The following DPEP3 variants were observed in gnomAD, a reference collection of about 807,000 sequenced individuals.
The protein encoded by DPEP3 is membrane-bound dipeptidase 3.
DPEP3 carries 42 observed loss-of-function variants against 47.5 expected under a neutral mutation model. That is an observed-to-expected ratio of 0.88 (90% CI 0.69 to 1.14). The LOEUF (loss-of-function observed/expected upper bound fraction) is 1.14, where lower values mean the gene tolerates loss of function less well. Ranked by LOEUF, DPEP3 falls within the 50% of genes most tolerant of loss-of-function variation. The pLI, the probability that DPEP3 is intolerant of heterozygous loss-of-function variation, is 0.00. For synonymous variants in DPEP3, 276 were observed against 270.2 expected, an observed-to-expected ratio of 1.02 and a Z score of -0.21; for missense variants, 560 against 635.0, an observed-to-expected ratio of 0.88 and a Z score of 1.27.
Position 67,976,691 on chromosome 16 carries a change from A to G in DPEP3, c.1094+9T>C, listed in dbSNP as rs2031202688. 1 of 1,613,726 alleles carries G rather than the reference A, an allele frequency of 6.2e-7. No homozygotes were observed. Among genetic ancestry groups the G allele is most frequent in the East Asian group, 2.2e-5 (1 of 44,890 alleles). On this transcript the variant is annotated intron_variant, in intron 8 of 9. Coordinates refer to ENST00000268793, the MANE Select transcript of DPEP3 (RefSeq NM_001370198.1). ...CCCAGCCTAAGAGAAACCTCAGGGA[A>G]GCACTCACCGGCCAGTCCCGTCATA...
chr16:67,976,626 G>A (rs1031097583), intron 8 of DPEP3, 74 bp downstream of exon 8: 36 of 1,424,304 alleles, frequency 2.5e-5, no homozygotes, highest in Admixed American at 5.6e-5. Flanking sequence ...ATGGGAGGAC[G>A]TCAGGATGGG....
chr16:67,976,567 G>A lies in DPEP3; in HGVS notation c.1094+133C>T, dbSNP rs878977569. The A allele has an allele frequency of 5.0e-5, 41 of 818,298 alleles. No individual in the cohort carries two copies. In the South Asian group the frequency reaches 7.0e-4, roughly 14 times the overall value. 50.7% of individuals were successfully genotyped at this position (818,298 alleles called of 1,614,324 possible). Reference sequence around the variant, plus strand: ...AAACTAGGAAACAGGCCCTGAGAGTGGGGAGTGTCAGGTGGGATAGGAGAC... The same window carrying A: ...AAACTAGGAAACAGGCCCTGAGAGTAGGGAGTGTCAGGTGGGATAGGAGAC... On this transcript the variant is annotated intron_variant, in intron 8 of 9. Transcript: ENST00000268793.
In DPEP3 at chr16:67,978,645, G is replaced by A; in HGVS notation, c.415-19C>T. 6.2e-7 allele frequency: 1 copy of A among 1,613,364 alleles called. No homozygotes were observed. ...ACCAGAACTGAGGGTAGGTCAAGGG[G>A]TCCAGAATGAGGCCAGGGCGGTCTT... is the stretch of plus-strand genomic sequence containing the variant. On this transcript the variant is annotated intron_variant, in intron 2 of 9. Transcript: ENST00000268793. The surrounding 1 kb of genome is among the most constrained non-coding windows in gnomAD (Gnocchi z 4.4).
chr16:67,979,479 C>G (rs575607665), intron 2 of DPEP3, among the ~76,000 whole-genome samples, 160 bp downstream of exon 2: 9 of 152,222 alleles, frequency 5.9e-5, no homozygotes, highest in Non-Finnish European at 1.3e-4. Context: ...TGCAGCTAGC[C>G]TGTCTTGGCC....
At chr16:67,979,443 G>A (rs11643888) in intron 2 of DPEP3, among the ~76,000 whole-genome samples, 196 bp downstream of exon 2, 42,314 of 152,148 alleles carry the variant, frequency 0.28, 7,712 homozygotes, top group East Asian at 0.76. Context: ...CATTTTCTGC[G>A]TGTTTCCACA....
Position 67,978,565 on chromosome 16 carries a change from T to A in DPEP3, c.476A>T (p.Glu159Val). ...QDQTAVRLALEQIDLIHRMCA... is the reference protein window; with the variant it reads ...QDQTAVRLALVQIDLIHRMCA... ...CATGCGGTGAATGAGGTCAATCTGC[T>A]CCAGGGCGAGGCGCACGGCAGTCTG... Residue 159 changes from glutamate (E) to valine (V), a missense_variant, in exon 3 of 10, where the codon GAG (glutamate) becomes GTG (valine). Physicochemically the swap from Glu to Val is moderately radical, Grantham distance 121. Coordinates refer to ENST00000268793, the MANE Select transcript of DPEP3 (RefSeq NM_001370198.1). The surrounding 1 kb of genome is among the most constrained non-coding windows in gnomAD (Gnocchi z 4.4). 1 of 1,613,962 alleles carries A rather than the reference T, an allele frequency of 6.2e-7. No individual in the cohort carries two copies. The highest frequency in any genetic ancestry group is 8.5e-7 in the Non-Finnish European group (1 of 1,179,946).
Position 67,978,046 on chromosome 16 carries a change from AC to A in DPEP3, c.687-40del, listed in dbSNP as rs1344405711. The A allele has an allele frequency of 6.2e-7, 1 of 1,611,916 alleles. No individual in the cohort carries two copies. The highest frequency in any genetic ancestry group is 1.7e-5 in the Admixed American group (1 of 59,976). On this transcript the variant is annotated intron_variant, in intron 4 of 9. Transcript: ENST00000268793. The surrounding 1 kb of genome is among the most constrained non-coding windows in gnomAD (Gnocchi z 4.4). ...ATGGAAGGGCAATTTAGCTGATCACACCTTGGGCCATCACAGCCTGGGGGCC... is the reference window on the plus strand; with the variant it reads ...ATGGAAGGGCAATTTAGCTGATCACACTTGGGCCATCACAGCCTGGGGGCC...
Position 67,978,307 on chromosome 16 carries a change from C to A in DPEP3, c.646G>T (p.Val216Leu). ...GTGAAGGTAAGTGTCAGGTAGCGCA[C>A]CCCCAGCACATAGAAACTGCGCAGC... ...SVLRSFYVLG[V>L]RYLTLTFTCS... Residue 216 changes from valine (V) to leucine (L), a missense_variant, in exon 4 of 10, where the codon GTG (valine) becomes TTG (leucine). Coordinates refer to ENST00000268793, the MANE Select transcript of DPEP3 (RefSeq NM_001370198.1). The surrounding 1 kb of genome is among the most constrained non-coding windows in gnomAD (Gnocchi z 4.4). The A allele has an allele frequency of 6.2e-7, 1 of 1,614,170 alleles. No homozygotes were observed. The highest frequency in any genetic ancestry group is 8.5e-7 in the Non-Finnish European group (1 of 1,180,030).
Position 67,976,091 on chromosome 16 carries a change from A to G in DPEP3, c.1230+2T>C, listed in dbSNP as rs2031188866. 1.9e-6 allele frequency: 3 copies of G among 1,614,100 alleles called. No individual in the cohort carries two copies. The highest frequency in any genetic ancestry group is 2.5e-6 in the Non-Finnish European group (3 of 1,179,998). On this transcript the variant is annotated splice_donor_variant, in intron 9 of 9. Transcript: ENST00000268793. LOFTEE classifies it high-confidence loss of function. The stretch of plus-strand genomic sequence containing the variant: ...ACCATCCTGTCCACCAGCCCAGCTT[A>G]CCTTTTCCACTTGTCTGAAGACCCG...
Position 67,977,769 on chromosome 16 carries a change from T to C in DPEP3, c.817A>G (p.Thr273Ala). The change falls in exon 6 of 10, where the codon ACC becomes GCC. Residue 273 changes from threonine (T) to alanine (A), a missense_variant. Physicochemically the swap from Thr to Ala is moderately conservative, Grantham distance 58. Coordinates refer to ENST00000268793, the MANE Select transcript of DPEP3 (RefSeq NM_001370198.1). The part of the protein sequence containing the change: ...MMIDLSYASD[T>A]LIRRVLEVSQ... ...ACTTCCAGGACCCTTCTTATCAAGG[T>C]GTCCGATGCATAGGACAAATCTATC... is the stretch of plus-strand genomic sequence containing the variant. 1 of 1,613,896 alleles carries C rather than the reference T, an allele frequency of 6.2e-7. No individual in the cohort carries two copies. The highest frequency in any genetic ancestry group is 8.5e-7 in the Non-Finnish European group (1 of 1,179,844).
Position 67,980,103 on chromosome 16 carries a change from A to T in DPEP3, c.278T>A (p.Leu93His). ...CGCTGCACCTACATACCCGTCCACG[A>T]GTGGGAAACTCCGCATCAGGGCCTG... Reference protein sequence around the residue: ...RAQALMRSFPLVDGHNDLPQV... With the variant: ...RAQALMRSFPHVDGHNDLPQV... The change falls in exon 1 of 10, where the codon CTC (leucine) becomes CAC (histidine). Residue 93 changes from leucine to histidine, a missense_variant. Leu to His is a moderately conservative substitution (Grantham distance 99). Coordinates refer to ENST00000268793, the MANE Select transcript of DPEP3 (RefSeq NM_001370198.1). 1 of 1,611,086 alleles carries T rather than the reference A, an allele frequency of 6.2e-7. No homozygotes were observed. The highest frequency in any genetic ancestry group is 8.5e-7 in the Non-Finnish European group (1 of 1,178,798).
At chr16:67,979,818 A>G in intron 1 of DPEP3, 53 bp from the exon 2 acceptor site, 2 of 1,605,976 alleles carry the variant, frequency 1.2e-6, no homozygotes, top group Non-Finnish European at 1.7e-6. Context: ...GTCAGGATAT[A>G]TCAGGTGCTT....
intron 1 of DPEP3, 35 bp downstream of exon 1, chr16:67,980,059 T>C: frequency 6.3e-7 from 1 of 1,578,124 alleles, no homozygotes; most frequent in East Asian, 2.2e-5. Context: ...AAGGGTGTGC[T>C]CACCCCGCGT....
chr16:67,979,812 G>C, intron 1 of DPEP3, 47 bp from the exon 2 acceptor site: 1 of 1,607,808 alleles, frequency 6.2e-7, no homozygotes, highest in East Asian at 2.2e-5. Context: ...AGATCAGTCA[G>C]GATATATCAG....
Position 67,977,778 on chromosome 16 carries a change from C to T in DPEP3, c.808G>A (p.Ala270Thr). 1.9e-6 allele frequency: 3 copies of T among 1,613,922 alleles called. No individual in the cohort carries two copies. Among genetic ancestry groups the T allele is most frequent in the Admixed American group, 3.3e-5 (2 of 59,998 alleles). ...ACCCTTCTTATCAAGGTGTCCGATG[C>T]ATAGGACAAATCTATCATCATGCCC... Reference protein sequence around the residue: ...RLGMMIDLSYASDTLIRRVLE... With the variant: ...RLGMMIDLSYTSDTLIRRVLE... The change falls in exon 6 of 10, where the codon GCA becomes ACA. Residue 270 changes from alanine to threonine, a missense_variant. Ala to Thr is a moderately conservative substitution (Grantham distance 58). Transcript: ENST00000268793.
intron 8 of DPEP3, 87 bp downstream of exon 8, chr16:67,976,613 T>C: frequency 1.5e-6 from 2 of 1,302,220 alleles, no homozygotes; most frequent in Non-Finnish European, 2.2e-6. Context: ...GGCTGAGGCC[T>C]GGATGGGAGG....
In DPEP3 at chr16:67,978,480, C is replaced by T. The variant is rs377632795; in HGVS notation, c.544+17G>A. On this transcript the variant is annotated intron_variant, in intron 3 of 9. Coordinates refer to ENST00000268793, the MANE Select transcript of DPEP3 (RefSeq NM_001370198.1). The surrounding 1 kb of genome is among the most constrained non-coding windows in gnomAD (Gnocchi z 4.4). ...CTCCAGAGTGACATCCTGACTACCT[C>T]TCATCTGCTGGCCCACCTTCAGCTG... 50 of 1,613,954 alleles carry T rather than the reference C, an allele frequency of 3.1e-5. No homozygotes were observed. In the South Asian group the frequency reaches 5.2e-4, roughly 17 times the overall value.
In DPEP3 at chr16:67,977,661, G is replaced by A. The variant is rs749132556; in HGVS notation, c.925C>T (p.Gln309Ter). The A allele has an allele frequency of 1.9e-6, 3 of 1,610,802 alleles. No homozygotes were observed. The highest frequency in any genetic ancestry group is 1.3e-5 in the African/African-American group (1 of 74,880). Reference protein sequence around the residue: ...NLLNVPDDILQLLKKNGGIVM... With the variant: ...NLLNVPDDIL ...CTGGGATGGCCACTCACCAGAAGCTGCAGGATATCATCGGGAACATTCAAC... is the reference window on the plus strand; with the variant it reads ...CTGGGATGGCCACTCACCAGAAGCTACAGGATATCATCGGGAACATTCAAC... Residue 309 changes from glutamine to a stop codon, truncating the protein, a stop_gained, in exon 6 of 10, where the codon CAG (glutamine) becomes TAG (stop). Transcript: ENST00000268793. LOFTEE classifies it high-confidence loss of function.
Position 67,977,958 on chromosome 16 carries a change from C to A in DPEP3, c.736G>T (p.Gly246Ter), listed in dbSNP as rs371310931. The A allele has an allele frequency of 6.2e-7, 1 of 1,613,964 alleles. No individual in the cohort carries two copies. The highest frequency in any genetic ancestry group is 1.7e-5 in the Admixed American group (1 of 60,012). Reference sequence around the variant, plus strand: ...CTCACCTCACCAAAGCTTGTCAATCCGCTGACGTTGGTGTACATGTGGTGT... The same window carrying A: ...CTCACCTCACCAAAGCTTGTCAATCAGCTGACGTTGGTGTACATGTGGTGT... ...FRHHMYTNVS[G>*]LTSFGEKVVE... Residue 246 changes from glycine (G) to a stop codon, truncating the protein, a stop_gained, in exon 5 of 10, where the codon GGA becomes TGA. Transcript: ENST00000268793. LOFTEE classifies it high-confidence loss of function.
Sources: gnomAD v4.1 joint callset for allele counts (sites outside exome capture counted in the v4.1 genomes callset) on GRCh38, gnomAD v4.1.1 for gene constraint, Gnocchi (gnomAD v3.1) non-coding constraint, MANE v1.5 for transcripts, NCBI Gene and HGNC (gene_info 2026-07-23, HGNC 2026-07-21) for gene names.